RNASEH1: variants seen among roughly 807,000 people sequenced by gnomAD.
RNASEH1 encodes the protein ribonuclease H type II.
Under a neutral mutation model 34.6 loss-of-function variants are expected in RNASEH1, and 27 were observed. The observed-to-expected ratio is 0.78, with a 90% CI of 0.58 to 1.08. The LOEUF (loss-of-function observed/expected upper bound fraction) is 1.08, where lower values mean the gene tolerates loss of function less well. Among genes scored for constraint, RNASEH1 ranks in the 50% least tolerant of loss-of-function variants. The pLI, the probability that RNASEH1 is intolerant of heterozygous loss-of-function variation, is 0.00. For missense variants in RNASEH1, 349 were observed against 373.6 expected (o/e 0.93, Z 0.54); for synonymous variants, 162 against 138.4 (o/e 1.17, Z -1.20).
chr2:3,556,987 C>T (rs1237065741), intron 1 of RNASEH1, 83 bp from the exon 2 acceptor site: 3 of 1,043,008 alleles, frequency 2.9e-6, no homozygotes, highest in Non-Finnish European at 4.4e-6. Flanking sequence ...GTTGGAAATA[C>T]AGTTGTCCCT....
At chr2:3,545,904 C>A (rs374187564) in intron 7 of RNASEH1, 33 bp from the exon 8 acceptor site, 1 of 1,470,994 alleles carries the variant, frequency 6.8e-7, no homozygotes, top group African/African-American at 1.4e-5. Context: ...TTTATTTTTA[C>A]TCATCTTTAC....
chr2:3,557,053 C>A (rs886211442), intron 1 of RNASEH1, 149 bp from the exon 2 acceptor site: 1 of 622,080 alleles, frequency 1.6e-6, no homozygotes, highest in African/African-American at 1.8e-5. Flanking sequence ...CAGATACCAA[C>A]ATCAGAGGAT....
intron 2 of RNASEH1, among the ~76,000 whole-genome samples, chr2:3,556,433 G>A (rs1660505230): frequency 6.6e-6 from 1 of 151,518 alleles, no homozygotes; most frequent in African/African-American, 2.4e-5. Flanking sequence ...AGCCTCCCGA[G>A]TAGCTGGGAT....
chr2:3,539,722 G>A (rs1227804284), downstream of RNASEH1, among the ~76,000 whole-genome samples: 1 of 152,166 alleles, frequency 6.6e-6, no homozygotes. Context: ...AGGGGCTTTA[G>A]TTGAGTGACC....
In RNASEH1 at chr2:3,543,651, G is replaced by A. The variant is rs554017962; in HGVS notation, c.*2134C>T. Among the ~76,000 whole-genome samples the A allele has an allele frequency of 3.2e-4, 49 of 151,256 alleles. No individual in the cohort carries two copies. The highest frequency in any genetic ancestry group is 4.6e-4 in the Non-Finnish European group (31 of 67,928). ...TTTTTTAAGACAAGGACTTGCTGTC[G>A]CCCAGGCTGGAATGTGGTGGCATGG... is the stretch of plus-strand genomic sequence containing the variant. On this transcript the variant is annotated 3_prime_UTR_variant, in exon 8 of 8. Transcript: ENST00000315212.
rs745796566 is a variant in RNASEH1 at position 3,552,215 on chromosome 2, G to A, written c.338C>T (p.Pro113Leu). ...GCTCGGCTTCATGTGCTTTGCATACGGCTCTGCGCTTTCATGTCCATCTCC... is the reference window on the plus strand; with the variant it reads ...GCTCGGCTTCATGTGCTTTGCATACAGCTCTGCGCTTTCATGTCCATCTCC... ...LDGDGHESAE[P>L]YAKHMKPSVE... The change falls in exon 3 of 8, where the codon CCG becomes CTG. Residue 113 changes from proline (P) to leucine (L), a missense_variant. Physicochemically the swap from Pro to Leu is moderately conservative, Grantham distance 98. Around this residue, in one of 2 missense-constraint regions of RNASEH1, gnomAD observed 256 missense variants for 240.7 expected, o/e 1.06. Coordinates refer to ENST00000315212, the MANE Select transcript of RNASEH1 (RefSeq NM_002936.6). 9.3e-6 allele frequency: 15 copies of A among 1,613,304 alleles called. No homozygotes were observed. Among genetic ancestry groups the A allele is most frequent in the South Asian group, 1.1e-5 (1 of 91,036 alleles).
chr2:3,556,727 C>T, intron 2 of RNASEH1, 62 bp downstream of exon 2: 1 of 1,088,730 alleles, frequency 9.2e-7, no homozygotes. Context: ...GATCAAATGC[C>T]ATCTGGCATA....
rs1277850201 is a variant in RNASEH1 at position 3,557,755 on chromosome 2, T to C, written c.128+378A>G. 6 of 720,938 alleles carry C rather than the reference T, an allele frequency of 8.3e-6. No homozygotes were observed. The East Asian group carries it at 3.1e-4, about 37-fold the overall frequency. 44.7% of individuals were successfully genotyped at this position (720,938 alleles called of 1,614,324 possible). A position where few individuals can be genotyped will look rare whatever the true frequency, so the allele number is the denominator to read the frequency against. On this transcript the variant is annotated intron_variant, in intron 1 of 7. Coordinates refer to ENST00000315212, the MANE Select transcript of RNASEH1 (RefSeq NM_002936.6). The stretch of plus-strand genomic sequence containing the variant: ...TTTTTTAAAAGGGAAGATTAGGTAC[T>C]GAGTTCCAATCCCAATTTAGCTGGT...
rs183532560 is a variant in RNASEH1 at position 3,553,670 on chromosome 2, G to A, written c.245-1362C>T. Among the ~76,000 whole-genome samples the A allele has an allele frequency of 7.2e-4, 110 of 152,222 alleles. 1 individual carries two copies. Among genetic ancestry groups the A allele is most frequent in the Non-Finnish European group, 2.1e-4 (14 of 68,014 alleles). ...CTCCCACAGTGCTGGGATTACAGGC[G>A]TGAGCCGCTGCGCCCGGCCCCAAAG... On this transcript the variant is annotated intron_variant, in intron 2 of 7. Transcript: ENST00000315212.
chr2:3,537,906 G>A (rs762377962), downstream of RNASEH1, among the ~76,000 whole-genome samples: 2 of 151,446 alleles, frequency 1.3e-5, no homozygotes, highest in Non-Finnish European at 2.9e-5. Flanking sequence ...GCATGGTGGT[G>A]CATGCCTGTA....
chr2:3,541,327 TC>T (rs1368115635), downstream of RNASEH1, among the ~76,000 whole-genome samples: 2 of 135,740 alleles, frequency 1.5e-5, no homozygotes, highest in African/African-American at 5.7e-5. Flanking sequence ...AGGCTCCATC[TC>T]CAAAAAAAAA....
intron 2 of RNASEH1, among the ~76,000 whole-genome samples, chr2:3,554,352 C>T (rs1660281219): frequency 6.6e-6 from 1 of 151,998 alleles, no homozygotes; most frequent in Non-Finnish European, 1.5e-5. Flanking sequence ...GGACACTTTA[C>T]AGAACAGATA....
chr2:3,558,021 G>A (rs1019805399), intron 1 of RNASEH1, 112 bp downstream of exon 1: 2 of 1,482,024 alleles, frequency 1.3e-6, no homozygotes, highest in African/African-American at 2.8e-5. Flanking sequence ...CACAGCCACA[G>A]CGCGCGGCAC....
downstream of RNASEH1, among the ~76,000 whole-genome samples, chr2:3,540,684 G>A (rs1668245532): frequency 1.3e-5 from 2 of 152,232 alleles, no homozygotes; most frequent in Admixed American, 1.3e-4. Flanking sequence ...TGGGACTACA[G>A]GCGTGAGCCA....
chr2:3,532,948 C>T, the RNASEH1 span, among the ~76,000 whole-genome samples: 370 of 152,318 alleles, frequency 2.4e-3, 2 homozygotes, highest in African/African-American at 8.4e-3. Flanking sequence ...GCTCACCCTT[C>T]GGGCAGAGCG....
In RNASEH1 at chr2:3,552,229, A is replaced by G; in HGVS notation, c.324T>C (p.His108=). 6.2e-7 allele frequency: 1 copy of G among 1,613,604 alleles called. No homozygotes were observed. The highest frequency in any genetic ancestry group is 1.1e-5 in the South Asian group (1 of 91,040). The change falls in exon 3 of 8, where the codon CAT becomes CAC. Residue 108 remains histidine (H), a synonymous_variant. Transcript: ENST00000315212. ...GCTTTGCATACGGCTCTGCGCTTTC[A>G]TGTCCATCTCCATCCAGTGGCTCAC... The part of the protein sequence containing the change: ...RLREPLDGDG[H]ESAEPYAKHM...
At chr2:3,535,827 C>G in the RNASEH1 span, among the ~76,000 whole-genome samples, 1 of 152,166 alleles carries the variant, frequency 6.6e-6, no homozygotes, top group Middle Eastern at 3.2e-3. Context: ...ACCAGGAGCT[C>G]TGCACTAGTA....
intron 1 of RNASEH1, among the ~76,000 whole-genome samples, chr2:3,557,167 T>C (rs909779490): frequency 3.9e-5 from 6 of 152,254 alleles, no homozygotes; most frequent in Non-Finnish European, 7.3e-5. Flanking sequence ...ACAATCTATA[T>C]AGTTGTATTG....
chr2:3,534,761 G>A, the RNASEH1 span, among the ~76,000 whole-genome samples: 25,341 of 152,226 alleles, frequency 0.17, 2,324 homozygotes, highest in Admixed American at 0.24. Flanking sequence ...GGAGGTCTCC[G>A]GCTGGTGAAG....
Sources: allele counts gnomAD v4.1 joint callset (sites outside exome capture counted in the v4.1 genomes callset), GRCh38; gene constraint gnomAD v4.1.1; regional missense constraint gnomAD v4.1.1; transcripts MANE v1.5; gene names NCBI Gene and HGNC (gene_info 2026-07-23, HGNC 2026-07-21).